N4BP3: variants seen among roughly 807,000 people sequenced by gnomAD.
N4BP3 encodes the protein NEDD4-binding protein 3.
In N4BP3, 33 loss-of-function variants were observed where a neutral mutation model predicts 43.8. That is an observed-to-expected ratio of 0.75 (90% CI 0.57 to 1.01). The LOEUF (loss-of-function observed/expected upper bound fraction) is 1.01, where lower values mean the gene tolerates loss of function less well. Among genes scored for constraint, N4BP3 ranks in the 50% least tolerant of loss-of-function variants. The probability of loss-of-function intolerance (pLI) is 0.00; values close to 1 mark genes in which losing one functional copy is unlikely to be tolerated. For missense variants in N4BP3, 756 were observed against 744.2 expected (o/e 1.02, Z -0.18); for synonymous variants, 326 against 321.9 (o/e 1.01, Z -0.14).
intron 1 of N4BP3, among the ~76,000 whole-genome samples, chr5:178,115,574 C>T (rs1362787374): frequency 6.6e-6 from 1 of 152,204 alleles, no homozygotes; most frequent in East Asian, 1.9e-4. Flanking sequence ...AATCCTGGAG[C>T]CTGTGTGCTT....
intron 2 of N4BP3, 39 bp downstream of exon 2, chr5:178,119,952 G>T: frequency 6.5e-7 from 1 of 1,549,252 alleles, no homozygotes. Context: ...GTGTGGGGAG[G>T]GTGGGGTCTC....
rs1197692518 is a variant in N4BP3, at chr5:178,124,088, G to C, written c.*2087G>C. The C allele has an allele frequency of 6.5e-6, 1 of 152,770 alleles. No individual in the cohort carries two copies. Among genetic ancestry groups the C allele is most frequent in the Non-Finnish European group, 1.5e-5 (1 of 68,110 alleles). The allele number at this position is 152,770 out of a possible 1,614,324, so 9.5% of individuals were successfully genotyped here. On this transcript the variant is annotated 3_prime_UTR_variant, in exon 5 of 5. Coordinates refer to ENST00000274605, the MANE Select transcript of N4BP3 (RefSeq NM_015111.2). ...TCCTCCAGAGGGCCCCTCAGAGCCA[G>C]GTGCTGGCCAGATGCCTTGATCACA...
rs1757984504 is a variant in N4BP3, at chr5:178,123,678, T to G, written c.*1677T>G. 6.5e-6 allele frequency: 1 copy of G among 152,822 alleles called. No homozygotes were observed. Among genetic ancestry groups the G allele is most frequent in the Admixed American group, 6.5e-5 (1 of 15,286 alleles). 9.5% of individuals were successfully genotyped at this position (152,822 alleles called of 1,614,324 possible). On this transcript the variant is annotated 3_prime_UTR_variant, in exon 5 of 5. Transcript: ENST00000274605. ...GATGGTGTGTTTATGGCCATGTAAGTGGCAGGTGTGTGTAAAGATGTGCTT... is the reference window on the plus strand; with the variant it reads ...GATGGTGTGTTTATGGCCATGTAAGGGGCAGGTGTGTGTAAAGATGTGCTT...
In N4BP3 at chr5:178,119,897, G is replaced by A. The variant is rs372643612; in HGVS notation, c.314G>A (p.Arg105Gln). 4.9e-5 allele frequency: 78 copies of A among 1,606,844 alleles called. No individual in the cohort carries two copies. Among genetic ancestry groups the A allele is most frequent in the South Asian group, 3.6e-4 (33 of 90,764 alleles). ...GDFSKTSLPERGRFDKCRIRP... is the reference protein window; with the variant it reads ...GDFSKTSLPEQGRFDKCRIRP... ...TTCAGCAAGACCTCGCTGCCAGAACGGGGTCGCTTTGACAAGGTGCACCTT... is the reference window on the plus strand; with the variant it reads ...TTCAGCAAGACCTCGCTGCCAGAACAGGGTCGCTTTGACAAGGTGCACCTT... Residue 105 changes from arginine to glutamine, a missense_variant, in exon 2 of 5, where the codon CGG (arginine) becomes CAG (glutamine). By Grantham distance (43) the Arg-to-Gln change is conservative. Coordinates refer to ENST00000274605, the MANE Select transcript of N4BP3 (RefSeq NM_015111.2).
rs1757699906 is a variant in N4BP3, at chr5:178,113,671, G to C, written c.-131G>C. On this transcript the variant is annotated 5_prime_UTR_variant, in exon 1 of 5. Coordinates refer to ENST00000274605, the MANE Select transcript of N4BP3 (RefSeq NM_015111.2). ...CCGCTCCGACCCGGCACGCAGTCCC[G>C]GCCCGAGCCGACGCCTTGCAGGAGG... is the stretch of plus-strand genomic sequence containing the variant. The C allele has an allele frequency of 6.6e-6, 1 of 152,032 alleles. No homozygotes were observed. Among genetic ancestry groups the C allele is most frequent in the Non-Finnish European group, 1.5e-5 (1 of 67,976 alleles). 9.4% of individuals were successfully genotyped at this position (152,032 alleles called of 1,614,324 possible).
Position 178,120,574 on chromosome 5 carries a change from G to A in N4BP3, c.727G>A (p.Glu243Lys), listed in dbSNP as rs1316215793. 1.4e-5 allele frequency: 23 copies of A among 1,612,794 alleles called. No homozygotes were observed. The highest frequency in any genetic ancestry group is 3.3e-5 in the Admixed American group (2 of 60,002). Residue 243 changes from glutamate to lysine, a missense_variant, in exon 3 of 5, where the codon GAG becomes AAG. By Grantham distance (56) the Glu-to-Lys change is moderately conservative. Transcript: ENST00000274605. ...GPPAVLSCLP[E>K]PPPPYEFSCS... The stretch of plus-strand genomic sequence containing the variant: ...ACCAGCTGTGCTGAGCTGCCTGCCC[G>A]AGCCACCACCCCCCTACGAGTTCTC...
chr5:178,119,910 C>T lies in N4BP3; in HGVS notation c.327C>T (p.Asp109=), dbSNP rs758000787. 5 of 1,599,908 alleles carry T rather than the reference C, an allele frequency of 3.1e-6. No homozygotes were observed. In the East Asian group the frequency reaches 1.1e-4, roughly 36 times the overall value. The change falls in exon 2 of 5, where the codon GAC becomes GAT. Residue 109 remains aspartate (D), a synonymous_variant. Transcript: ENST00000274605. ...KTSLPERGRF[D]KCRIRPSVFK... ...CGCTGCCAGAACGGGGTCGCTTTGA[C>T]AAGGTGCACCTTTGCCCATGCCCCT...
chr5:178,121,294 C>T lies in N4BP3; in HGVS notation c.1049C>T (p.Pro350Leu). 2 of 1,606,524 alleles carry T rather than the reference C, an allele frequency of 1.2e-6. No homozygotes were observed. The highest frequency in any genetic ancestry group is 8.5e-7 in the Non-Finnish European group (1 of 1,175,798). The stretch of plus-strand genomic sequence containing the variant: ...GGCCTGGCTCCGGAGCCTCGGGCCC[C>T]CGGCACCCTCCCAGAGGCTGACCCC... Reference protein sequence around the residue: ...QQGLAPEPRAPGTLPEADPSA... With the variant: ...QQGLAPEPRALGTLPEADPSA... Residue 350 changes from proline (P) to leucine (L), a missense_variant, in exon 4 of 5, where the codon CCC becomes CTC. Pro to Leu is a moderately conservative substitution (Grantham distance 98). Transcript: ENST00000274605.
Position 178,122,243 on chromosome 5 carries a change from G to A in N4BP3, c.*242G>A. 2.0e-6 allele frequency: 1 copy of A among 493,616 alleles called. No homozygotes were observed. The highest frequency in any genetic ancestry group is 3.5e-6 in the Non-Finnish European group (1 of 281,930). The allele number at this position is 493,616 out of a possible 1,614,324, so 30.6% of individuals were successfully genotyped here. A position where few individuals can be genotyped will look rare whatever the true frequency, so the allele number is the denominator to read the frequency against. On this transcript the variant is annotated 3_prime_UTR_variant, in exon 5 of 5. Coordinates refer to ENST00000274605, the MANE Select transcript of N4BP3 (RefSeq NM_015111.2). ...GGGCCCAGCCCTGCTTCCTGGAGTGGATGTGGCCCAGAGAAGGAGGCTGGG... is the reference window on the plus strand; with the variant it reads ...GGGCCCAGCCCTGCTTCCTGGAGTGAATGTGGCCCAGAGAAGGAGGCTGGG...
chr5:178,119,712 T>C lies in N4BP3; in HGVS notation c.129T>C (p.Asp43=), dbSNP rs761116401. The C allele has an allele frequency of 6.2e-7, 1 of 1,613,182 alleles. No homozygotes were observed. The highest frequency in any genetic ancestry group is 1.7e-5 in the Admixed American group (1 of 59,970). The change falls in exon 2 of 5, where the codon GAT becomes GAC. Residue 43 remains aspartate (D), a synonymous_variant. Transcript: ENST00000274605. ...GGTCTCGGGGCTCCCGCCAGCCTGATGGGCTCCTCCGGAAGGGCTTGGGCC... is the reference window on the plus strand; with the variant it reads ...GGTCTCGGGGCTCCCGCCAGCCTGACGGGCTCCTCCGGAAGGGCTTGGGCC... ...LAGSRGSRQP[D]GLLRKGLGQR...
In N4BP3 at chr5:178,120,819, G is replaced by A. The variant is rs148722033; in HGVS notation, c.852+120G>A. On this transcript the variant is annotated intron_variant, in intron 3 of 4. Transcript: ENST00000274605. Reference sequence around the variant, plus strand: ...TGGACACAAGAGAGCAAGAAAGGGGGAGCTGGCTTGGCTTCCTTCCTCTGC... The same window carrying A: ...TGGACACAAGAGAGCAAGAAAGGGGAAGCTGGCTTGGCTTCCTTCCTCTGC... The A allele has an allele frequency of 1.7e-4, 226 of 1,355,804 alleles. No individual in the cohort carries two copies. In the African/African-American group the frequency reaches 2.8e-3, roughly 17 times the overall value. 84.0% of individuals were successfully genotyped at this position (1,355,804 alleles called of 1,614,324 possible). A position where few individuals can be genotyped will look rare whatever the true frequency, so the allele number is the denominator to read the frequency against.
At position 178,124,599 on chromosome 5, in the gene N4BP3, T is replaced by G. The variant is rs1021498380; in HGVS notation, c.*2598T>G. ...TCCGGGCAGCCTGCTCTGCGGAAGG[T>G]GGCAGCCTCCTGGTGCTGGGCTCCC... On this transcript the variant is annotated 3_prime_UTR_variant, in exon 5 of 5. Coordinates refer to ENST00000274605, the MANE Select transcript of N4BP3 (RefSeq NM_015111.2). 1.3e-5 allele frequency: 2 copies of G among 152,902 alleles called. No homozygotes were observed. The highest frequency in any genetic ancestry group is 2.9e-5 in the Non-Finnish European group (2 of 68,632). 9.5% of individuals were successfully genotyped at this position (152,902 alleles called of 1,614,324 possible).
Position 178,119,668 on chromosome 5 carries a change from C to A in N4BP3, c.85C>A (p.Leu29Met). 6.2e-7 allele frequency: 1 copy of A among 1,607,984 alleles called. No homozygotes were observed. Among genetic ancestry groups the A allele is most frequent in the East Asian group, 2.2e-5 (1 of 44,830 alleles). The change falls in exon 2 of 5, where the codon CTG becomes ATG. Residue 29 changes from leucine to methionine, a missense_variant. Leu to Met is a conservative substitution (Grantham distance 15, BLOSUM62 2). Coordinates refer to ENST00000274605, the MANE Select transcript of N4BP3 (RefSeq NM_015111.2). ...LERQDFSPEE[L>M]RAALAGSRGS... ...ACGGCAGGACTTCTCCCCTGAAGAG[C>A]TGCGGGCGGCACTTGCCGGGTCTCG...
chr5:178,119,736 C>T lies in N4BP3; in HGVS notation c.153C>T (p.Gly51=), dbSNP rs780258118. The T allele has an allele frequency of 6.2e-7, 1 of 1,613,532 alleles. No individual in the cohort carries two copies. Among genetic ancestry groups the T allele is most frequent in the South Asian group, 1.1e-5 (1 of 91,088 alleles). ...ATGGGCTCCTCCGGAAGGGCTTGGG[C>T]CAGCGTGAGTTCCTCAGCTACCTGC... The part of the protein sequence containing the change: ...QPDGLLRKGL[G]QREFLSYLHL... Residue 51 remains glycine (G), a synonymous_variant, in exon 2 of 5, where the codon GGC becomes GGT. Coordinates refer to ENST00000274605, the MANE Select transcript of N4BP3 (RefSeq NM_015111.2).
At chr5:178,120,140 G>A (rs767732663) in intron 2 of N4BP3, 38 bp from the exon 3 acceptor site, 2 of 1,531,268 alleles carry the variant, frequency 1.3e-6, no homozygotes, top group African/African-American at 1.4e-5. Context: ...AGCTGCCCAG[G>A]TCTCACACCT....
chr5:178,122,358 G>A lies in N4BP3; in HGVS notation c.*357G>A, dbSNP rs942682226. 1 of 235,382 alleles carries A rather than the reference G, an allele frequency of 4.2e-6. No individual in the cohort carries two copies. Among genetic ancestry groups the A allele is most frequent in the East Asian group, 9.0e-5 (1 of 11,062 alleles). 14.6% of individuals were successfully genotyped at this position (235,382 alleles called of 1,614,324 possible). On this transcript the variant is annotated 3_prime_UTR_variant, in exon 5 of 5. Transcript: ENST00000274605. ...GGCCTTCCTCCAGGGAAGGAGGCTGGGGTGGGAACACTGGCCTCCCCCAGA... is the reference window on the plus strand; with the variant it reads ...GGCCTTCCTCCAGGGAAGGAGGCTGAGGTGGGAACACTGGCCTCCCCCAGA...
intron 1 of N4BP3, among the ~76,000 whole-genome samples, chr5:178,117,610 C>T (rs1471498870): frequency 1.0e-5 from 1 of 99,712 alleles, no homozygotes; most frequent in East Asian, 2.9e-4. Flanking sequence ...AGAGCAAGAC[C>T]CTGTCTCAAA....
In N4BP3 at chr5:178,121,317, C is replaced by G. The variant is rs200785993; in HGVS notation, c.1072C>G (p.Pro358Ala). ...CCCCGGCACCCTCCCAGAGGCTGAC[C>G]CCAGTGCACGACCAGAGGAGGAAGC... is the stretch of plus-strand genomic sequence containing the variant. Reference protein sequence around the residue: ...RAPGTLPEADPSARPEEEARW... With the variant: ...RAPGTLPEADASARPEEEARW... The change falls in exon 4 of 5, where the codon CCC becomes GCC. Residue 358 changes from proline to alanine, a missense_variant. Pro to Ala is a conservative substitution (Grantham distance 27). Transcript: ENST00000274605. 29 of 1,603,918 alleles carry G rather than the reference C, an allele frequency of 1.8e-5. No individual in the cohort carries two copies. The highest frequency in any genetic ancestry group is 4.3e-6 in the Non-Finnish European group (5 of 1,174,056).
Position 178,121,519 on chromosome 5 carries a change from C to A in N4BP3, c.1153C>A (p.Arg385Ser), listed in dbSNP as rs371372783. 4.0e-5 allele frequency: 64 copies of A among 1,613,926 alleles called. No individual in the cohort carries two copies. In the East Asian group the frequency reaches 1.1e-3, roughly 28 times the overall value. Reference protein sequence around the residue: ...AEISLLKQQLREAQAELAQKL... With the variant: ...AEISLLKQQLSEAQAELAQKL... ...GATTAGCCTCTTGAAGCAGCAGCTG[C>A]GTGAAGCCCAGGCGGAACTGGCCCA... The change falls in exon 5 of 5, where the codon CGT becomes AGT. Residue 385 changes from arginine (R) to serine (S), a missense_variant. Transcript: ENST00000274605.
Sources: gnomAD v4.1 joint callset for allele counts (sites outside exome capture counted in the v4.1 genomes callset) on GRCh38, gnomAD v4.1.1 for gene constraint, MANE v1.5 for transcripts, NCBI Gene and HGNC (gene_info 2026-07-23, HGNC 2026-07-21) for gene names.